Variants in GPHN observed in about 807,000 individuals in gnomAD.
The protein encoded by GPHN is gephyrin.
In GPHN, 17 loss-of-function variants were observed where a neutral mutation model predicts 95.5. The observed-to-expected ratio is 0.18, with a 90% CI of 0.12 to 0.27. The LOEUF (loss-of-function observed/expected upper bound fraction) is 0.27. Among genes scored for constraint, GPHN ranks in the 10% least tolerant of loss-of-function variants. The probability of loss-of-function intolerance (pLI) is 1.00; values close to 1 mark genes in which losing one functional copy is unlikely to be tolerated. For synonymous variants in GPHN, 320 were observed against 322.5 expected, an observed-to-expected ratio of 0.99 and a Z score of 0.08; for missense variants, 660 against 978.1, an observed-to-expected ratio of 0.67 and a Z score of 4.34.
chr14:66,874,882 C>T (rs1006070694), intron 4 of GPHN, among the ~76,000 whole-genome samples: 2 of 152,090 alleles, frequency 1.3e-5, no homozygotes, highest in Non-Finnish European at 2.9e-5. Flanking sequence ...GACAGGCCAG[C>T]ATTCAAATTC....
At chr14:67,250,601 G>A in the GPHN span, among the ~76,000 whole-genome samples, 1 of 152,110 alleles carries the variant, frequency 6.6e-6, no homozygotes, top group Non-Finnish European at 1.5e-5. Flanking sequence ...CACACACACT[G>A]TTCATACAAT....
intron 2 of GPHN, among the ~76,000 whole-genome samples, chr14:66,751,173 A>G (rs1033044601): frequency 6.6e-6 from 1 of 152,020 alleles, no homozygotes; most frequent in Non-Finnish European, 1.5e-5. Context: ...ACGTGTCTTT[A>G]TAATAGAATG....
At chr14:67,587,283 A>G in the GPHN span, 1 of 1,603,838 alleles carries the variant, frequency 6.2e-7, no homozygotes, top group Non-Finnish European at 8.5e-7. Flanking sequence ...CTCTGGATTT[A>G]GAGATATATA....
the GPHN span, among the ~76,000 whole-genome samples, chr14:67,213,312 C>A: frequency 1.9e-5 from 2 of 106,146 alleles, no homozygotes; most frequent in Non-Finnish European, 3.7e-5. Context: ...TATCCCTCCC[C>A]CCTCCCCCCA....
intron 11 of GPHN, among the ~76,000 whole-genome samples, chr14:67,070,715 A>AAAAAAAAAAAAAAAAAAATATATATATAT: frequency 1.2e-5 from 1 of 80,704 alleles, no homozygotes; most frequent in Non-Finnish European, 1.9e-5. Context: ...AAAAAAAAAA[A>AAAAAAAAAAAAAAAAAAATATATATATAT]ATATATATAT....
the GPHN span, among the ~76,000 whole-genome samples, chr14:67,492,887 G>A: frequency 1.2e-4 from 19 of 152,332 alleles, no homozygotes; most frequent in African/African-American, 4.1e-4. Flanking sequence ...TCACAGGCAG[G>A]TGGGAGATCA....
intron 5 of GPHN, among the ~76,000 whole-genome samples, chr14:66,883,396 T>C (rs2064025215): frequency 6.6e-6 from 1 of 152,038 alleles, no homozygotes; most frequent in African/African-American, 2.4e-5. Flanking sequence ...ACTAAGAACT[T>C]GTATTTTTAC....
chr14:66,591,155 T>C (rs1288924367), intron 1 of GPHN, among the ~76,000 whole-genome samples: 2 of 152,134 alleles, frequency 1.3e-5, no homozygotes, highest in Non-Finnish European at 2.9e-5. Context: ...GAAACATATC[T>C]CAAAATAATA....
chr14:67,668,661 GA>G, the GPHN span, among the ~76,000 whole-genome samples: 2 of 151,998 alleles, frequency 1.3e-5, no homozygotes, highest in Non-Finnish European at 2.9e-5. Context: ...GAAACACAGT[GA>G]AAAAAAGACA....
intron 1 of GPHN, among the ~76,000 whole-genome samples, chr14:66,510,908 T>C (rs1287473664): frequency 6.6e-6 from 1 of 151,998 alleles, no homozygotes. Flanking sequence ...GAGAATGAGG[T>C]ACAGTAGTCT....
chr14:66,557,778 C>T (rs8013792), intron 1 of GPHN, among the ~76,000 whole-genome samples: 47,822 of 151,882 alleles, frequency 0.31, 11,527 homozygotes, highest in African/African-American at 0.65. Context: ...ATCACCTTGA[C>T]TTTTAAAAGT....
In GPHN at chr14:66,752,803, C is replaced by T. The variant is rs1171212697; in HGVS notation, c.144-23661C>T. ...TCAGGTTGTGAAAAGCACAATAAAG[C>T]GAAGCACAATAAAAAAATGTGTTTC... On this transcript the variant is annotated intron_variant, in intron 2 of 22. Transcript: ENST00000478722. 2.0e-5 allele frequency among the ~76,000 whole-genome samples: 3 copies of T among 151,606 alleles called. No individual in the cohort carries two copies. In the East Asian group the frequency reaches 5.8e-4, roughly 29 times the overall value.
chr14:67,013,446 ATATAT>A (rs2073122474), intron 9 of GPHN, among the ~76,000 whole-genome samples: 1 of 152,062 alleles, frequency 6.6e-6, no homozygotes. Context: ...AAAATGAGTT[ATATAT>A]TATATTATTA....
the GPHN span, among the ~76,000 whole-genome samples, chr14:67,412,550 T>G: frequency 6.6e-6 from 1 of 152,088 alleles, no homozygotes; most frequent in Non-Finnish European, 1.5e-5. Context: ...TCCTGGCCTC[T>G]GATGGGGGCA....
intron 3 of GPHN, among the ~76,000 whole-genome samples, chr14:66,803,920 AT>A (rs1231015971): frequency 2.0e-5 from 3 of 150,336 alleles, no homozygotes; most frequent in Non-Finnish European, 3.0e-5. Context: ...CATTTTGTTA[AT>A]TTTTTTTCTA....
the GPHN span, chr14:67,571,649 G>T: frequency 7.9e-5 from 93 of 1,173,312 alleles, no homozygotes; most frequent in Middle Eastern, 2.0e-4. Context: ...CCGGCTGGGG[G>T]TTGGCCACAC....
At chr14:67,481,322 G>C in the GPHN span, among the ~76,000 whole-genome samples, 1 of 152,120 alleles carries the variant, frequency 6.6e-6, no homozygotes, top group Non-Finnish European at 1.5e-5. Context: ...AAAGCGAGAT[G>C]GGGGAGAGAG....
chr14:67,379,654 C>CTTT, the GPHN span, among the ~76,000 whole-genome samples: 40 of 119,942 alleles, frequency 3.3e-4, 1 homozygote, highest in African/African-American at 5.1e-4. Context: ...TTTTCTTTTT[C>CTTT]TTTTTTTTTT....
chr14:66,560,888 T>A (rs1006244161), intron 1 of GPHN, among the ~76,000 whole-genome samples: 2 of 152,196 alleles, frequency 1.3e-5, no homozygotes, highest in African/African-American at 4.8e-5. Flanking sequence ...TTGTCATAGA[T>A]AGCTCTTATT....
Sources: allele counts gnomAD v4.1 joint callset (sites outside exome capture counted in the v4.1 genomes callset), GRCh38; gene constraint gnomAD v4.1.1; transcripts MANE v1.5; gene names NCBI Gene and HGNC (gene_info 2026-07-23, HGNC 2026-07-21).